Variants in DGKH observed in about 807,000 individuals in gnomAD.
DGKH encodes the protein diacylglycerol kinase eta.
Under a neutral mutation model 159.3 loss-of-function variants are expected in DGKH, and 90 were observed. The ratio of observed to expected loss-of-function variants is 0.57; its 90% CI spans 0.48 to 0.67. DGKH has a LOEUF of 0.67. Among genes scored for constraint, DGKH ranks in the 30% least tolerant of loss-of-function variants. The pLI is 0.00. For missense variants in DGKH, 1,181 were observed against 1,506.1 expected (o/e 0.78, Z 3.57); for synonymous variants, 536 against 553.8 (o/e 0.97, Z 0.45).
intron 1 of DGKH, among the ~76,000 whole-genome samples, chr13:42,087,060 C>CACACAG (rs57918658): frequency 0.041 from 6,192 of 149,900 alleles, 264 homozygotes; most frequent in South Asian, 0.11. Flanking sequence ...CACACACACA[C>CACACAG]ACACACACAC....
intron 1 of DGKH, among the ~76,000 whole-genome samples, chr13:42,113,379 A>G (rs899698854): frequency 6.6e-6 from 1 of 152,214 alleles, no homozygotes; most frequent in Non-Finnish European, 1.5e-5. Context: ...CTCTAAACCA[A>G]TTGAATCAAA....
chr13:42,199,781 T>G (rs761234728), intron 19 of DGKH, 32 bp from the exon 20 acceptor site: 1 of 1,585,276 alleles, frequency 6.3e-7, no homozygotes, highest in Non-Finnish European at 8.5e-7. Flanking sequence ...AAATAAAATT[T>G]CCTGAAATTG....
chr13:42,159,883 A>G, intron 6 of DGKH, 128 bp from the exon 7 acceptor site: 1 of 1,346,664 alleles, frequency 7.4e-7, no homozygotes, highest in Non-Finnish European at 1.0e-6. Flanking sequence ...ACGTGGGGTA[A>G]ATGAGTGAAT....
At chr13:42,057,935 T>A (rs541768720) in intron 1 of DGKH, among the ~76,000 whole-genome samples, 2 of 149,392 alleles carry the variant, frequency 1.3e-5, no homozygotes, top group South Asian at 4.2e-4. Flanking sequence ...AAGAGGGAGG[T>A]CAGTGGGGCT....
chr13:42,193,430 C>G (rs1278160453), intron 16 of DGKH, among the ~76,000 whole-genome samples: 1 of 152,130 alleles, frequency 6.6e-6, no homozygotes, highest in Non-Finnish European at 1.5e-5. Context: ...AGTAATCTAA[C>G]TTGTTGGAAA....
intron 3 of DGKH, among the ~76,000 whole-genome samples, chr13:42,132,634 GCTCACACCTGTAATCC>G (rs1259293782): frequency 6.6e-6 from 1 of 152,162 alleles, no homozygotes; most frequent in African/African-American, 2.4e-5. Context: ...AGGCACAGTG[GCTCACACCTGTAATCC>G]CAACACTTTG....
chr13:42,082,083 C>T (rs1036281075), intron 1 of DGKH, among the ~76,000 whole-genome samples: 1 of 152,042 alleles, frequency 6.6e-6, no homozygotes, highest in African/African-American at 2.4e-5. Context: ...GATCAATCCT[C>T]ATTGCTATCC....
chr13:42,211,026 C>A (rs182947142), intron 24 of DGKH, among the ~76,000 whole-genome samples: 1 of 152,022 alleles, frequency 6.6e-6, no homozygotes, highest in Non-Finnish European at 1.5e-5. Flanking sequence ...TCATCCTGTT[C>A]CAGAGAAGAG....
intron 3 of DGKH, among the ~76,000 whole-genome samples, chr13:42,154,766 C>A (rs946562312): frequency 1.3e-5 from 2 of 151,858 alleles, no homozygotes; most frequent in Admixed American, 6.6e-5. Context: ...GGTGGCCGGG[C>A]GCAGTGGCTC....
In DGKH at chr13:42,169,390, T is replaced by C. The variant is rs953964440; in HGVS notation, c.1367+572T>C. ...ACTATCATTGTGTTTATGCTGTTCT[T>C]GATCACATCTCTTAATTGCTTTCTC... On this transcript the variant is annotated intron_variant, in intron 11 of 29. Transcript: ENST00000337343. 1.2e-4 allele frequency among the ~76,000 whole-genome samples: 18 copies of C among 152,348 alleles called. 1 individual carries two copies. Among genetic ancestry groups the C allele is most frequent in the Admixed American group, 9.8e-4 (15 of 15,302 alleles).
chr13:42,181,590 C>A, intron 13 of DGKH: 1 of 282,168 alleles, frequency 3.5e-6, no homozygotes, highest in Admixed American at 3.7e-5. Context: ...AAGGCTGCTG[C>A]TGCTGTGCAG....
intron 1 of DGKH, chr13:42,066,084 GA>G (rs1025951990): frequency 2.4e-4 from 36 of 152,132 alleles, no homozygotes; most frequent in African/African-American, 8.5e-4. Flanking sequence ...ATTTTTATTG[GA>G]GACAGGGTTT....
chr13:42,053,323 TA>T (rs201856335), intron 1 of DGKH, among the ~76,000 whole-genome samples: 21 of 145,508 alleles, frequency 1.4e-4, no homozygotes, highest in Middle Eastern at 3.6e-3. Flanking sequence ...TAAAGTAAAA[TA>T]AAAAAAAAAT....
At chr13:42,208,401 A>G (rs1414736396) in intron 21 of DGKH, among the ~76,000 whole-genome samples, 2 of 152,092 alleles carry the variant, frequency 1.3e-5, no homozygotes, top group Non-Finnish European at 2.9e-5. Context: ...TGAGGTTTCT[A>G]TTTGCATACT....
chr13:42,140,269 C>G (rs1178923074), intron 3 of DGKH: 4 of 152,340 alleles, frequency 2.6e-5, no homozygotes, highest in Admixed American at 1.3e-4. Flanking sequence ...AACCTTGTAT[C>G]ATGGAGGACT....
chr13:42,081,131 A>G (rs1441212818), intron 1 of DGKH, among the ~76,000 whole-genome samples: 7 of 152,134 alleles, frequency 4.6e-5, no homozygotes, highest in Non-Finnish European at 2.9e-5. Flanking sequence ...AATAATTACT[A>G]TCATGGTTGC....
At chr13:42,252,193 A>T (rs541151266) in intron 29 of DGKH, among the ~76,000 whole-genome samples, 2 of 151,650 alleles carry the variant, frequency 1.3e-5, no homozygotes, top group East Asian at 3.9e-4. Context: ...CTTTGAATGT[A>T]TGGTAGAATT....
chr13:42,189,187 A>T lies in DGKH; in HGVS notation c.1790A>T (p.Glu597Val), dbSNP rs749052260. 1 of 1,614,240 alleles carries T rather than the reference A, an allele frequency of 6.2e-7. No individual in the cohort carries two copies. The highest frequency in any genetic ancestry group is 1.1e-5 in the South Asian group (1 of 91,090). The change falls in exon 15 of 30, where the codon GAG becomes GTG. Residue 597 changes from glutamate (E) to valine (V), a missense_variant. Around this residue, in one of 5 missense-constraint regions of DGKH, gnomAD observed 257 missense variants for 281.5 expected, o/e 0.91. Coordinates refer to ENST00000337343, the MANE Select transcript of DGKH (RefSeq NM_178009.5). ...GAAGAGTCCCTGGGTGAAAGCAAAGAGCAGCTTGGGGATGACGTTACAAAA... is the reference window on the plus strand; with the variant it reads ...GAAGAGTCCCTGGGTGAAAGCAAAGTGCAGCTTGGGGATGACGTTACAAAA... ...SSEESLGESK[E>V]QLGDDVTKPS...
intron 1 of DGKH, among the ~76,000 whole-genome samples, chr13:42,062,336 A>G (rs1343170906): frequency 3.9e-5 from 6 of 152,220 alleles, no homozygotes; most frequent in African/African-American, 1.4e-4. Context: ...AAAATGGTTT[A>G]TATTCCACAC....
Sources: gnomAD v4.1 joint callset for allele counts (sites outside exome capture counted in the v4.1 genomes callset) on GRCh38, gnomAD v4.1.1 for gene constraint, gnomAD v4.1.1 regional missense constraint, MANE v1.5 for transcripts, NCBI Gene and HGNC (gene_info 2026-07-23, HGNC 2026-07-21) for gene names.